TTN: variants seen among roughly 807,000 people sequenced by gnomAD.
TTN encodes connectin.
A neutral mutation model predicts 3,223.0 loss-of-function variants in TTN; 1,525 were observed. The observed-to-expected ratio is 0.47, with a 90% CI of 0.45 to 0.49. The LOEUF (loss-of-function observed/expected upper bound fraction) is 0.49, where lower values mean the gene tolerates loss of function less well. Among genes scored for constraint, TTN ranks in the 20% least tolerant of loss-of-function variants. The probability of loss-of-function intolerance (pLI) is 0.00; values close to 1 mark genes in which losing one functional copy is unlikely to be tolerated. For synonymous variants in TTN, 14,094 were observed against 15,161.0 expected (o/e 0.93, Z 5.17); for missense variants, 40,786 against 43,424.0 (o/e 0.94, Z 5.40).
At position 178,731,845 on chromosome 2, in the gene TTN, A is replaced by G. The variant is rs1269227302; in HGVS notation, c.17030T>C (p.Leu5677Pro). The G allele has an allele frequency of 3.1e-6, 5 of 1,613,818 alleles. No individual in the cohort carries two copies. The highest frequency in any genetic ancestry group is 2.2e-5 in the South Asian group (2 of 91,086). ...EITWFKDNTI[L>P]RSGRKYKTFI... is the part of the protein sequence containing the mutation. ...AGTCTTATACTTTCTACCACTTCGC[A>G]GGATTGTGTTATCTTTGAACCAAGT... The change falls in exon 58 of 363, where the codon CTG (leucine) becomes CCG (proline). Residue 5677 changes from leucine to proline, a missense_variant. By Grantham distance (98) the Leu-to-Pro change is moderately conservative (BLOSUM62 -3). Transcript: ENST00000589042.
chr2:178,572,395 CT>C lies in TTN; in HGVS notation c.73736del (p.Lys24579ArgfsTer2). 1 of 1,613,090 alleles carries C rather than the reference CT, an allele frequency of 6.2e-7. No individual in the cohort carries two copies. The highest frequency in any genetic ancestry group is 1.1e-5 in the South Asian group (1 of 91,062). On this transcript the variant is annotated frameshift_variant, in exon 326 of 363. Transcript: ENST00000589042. LOFTEE classifies it high-confidence loss of function. ...TACAGCCTTCTTGAAGCTGGTCTAC[CT>C]TCCAGGAAGTCTTGTGGCAGTTTGT... ...VATNCHKTSW[K>X]VDQLQEGCSY...
At position 178,714,162 on chromosome 2, in the gene TTN, A is replaced by G; in HGVS notation, c.26496T>C (p.Ile8832=). 2 of 1,610,436 alleles carry G rather than the reference A, an allele frequency of 1.2e-6. No individual in the cohort carries two copies. Among genetic ancestry groups the G allele is most frequent in the Non-Finnish European group, 1.7e-6 (2 of 1,178,318 alleles). Residue 8832 remains isoleucine, a synonymous_variant, in exon 92 of 363, where the codon ATT becomes ATC. Coordinates refer to ENST00000589042, the MANE Select transcript of TTN (RefSeq NM_001267550.2). ...CTTTTATGGATTCTGGCTTTTCTAC[A>G]ATTGTTGCAGGCTCTGGAATGAAAT... is the stretch of plus-strand genomic sequence containing the variant. ...ATLSVLEPAT[I]VEKPESIKVT... is the part of the protein sequence containing the mutation.
rs778118930 is a variant in TTN at position 178,768,820 on chromosome 2, C to T, written c.9016G>A (p.Val3006Met). The change falls in exon 38 of 363, where the codon GTG becomes ATG. Residue 3006 changes from valine (V) to methionine (M), a missense_variant. By Grantham distance (21) the Val-to-Met change is conservative. Coordinates refer to ENST00000589042, the MANE Select transcript of TTN (RefSeq NM_001267550.2). ...GISYKWLKNG[V>M]EIKSTDKCQM... ...CACTTGTCAGTTGATTTGATTTCCA[C>T]ACCATTCTTTAACCATTTGTAAGAG... 6.2e-6 allele frequency: 10 copies of T among 1,614,094 alleles called. No homozygotes were observed. The South Asian group carries it at 9.9e-5, about 16-fold the overall frequency.
intron 210 of TTN, 41 bp from the exon 211 acceptor site, chr2:178,649,935 A>G (rs746314639): frequency 8.2e-6 from 13 of 1,583,310 alleles, no homozygotes; most frequent in African/African-American, 1.4e-5. Flanking sequence ...GGTGATTACA[A>G]TGAAAAATTT....
rs1211102560 is a variant in TTN at position 178,533,759 on chromosome 2, C to T, written c.102856G>A (p.Glu34286Lys). ...RFGVTITVHP[E>K]PHVTWYKSGQ... ...GATTTATACCATGTTACATGAGGCT[C>T]TGGGTGGACAGTTATAGTTACTCCA... Residue 34286 changes from glutamate to lysine, a missense_variant, in exon 358 of 363, where the codon GAG becomes AAG. By Grantham distance (56) the Glu-to-Lys change is moderately conservative. Coordinates refer to ENST00000589042, the MANE Select transcript of TTN (RefSeq NM_001267550.2). The T allele has an allele frequency of 6.2e-7, 1 of 1,613,936 alleles. No homozygotes were observed. The highest frequency in any genetic ancestry group is 8.5e-7 in the Non-Finnish European group (1 of 1,179,858).
At position 178,769,007 on chromosome 2, in the gene TTN, T is replaced by A. The variant is rs1319035194; in HGVS notation, c.8903-74A>T. 14 of 1,565,354 alleles carry A rather than the reference T, an allele frequency of 8.9e-6. No homozygotes were observed. The East Asian group carries it at 3.2e-4, about 36-fold the overall frequency. On this transcript the variant is annotated intron_variant, in intron 37 of 362. Coordinates refer to ENST00000589042, the MANE Select transcript of TTN (RefSeq NM_001267550.2). ...GATGTGGGTTATAACAGGTGCAGAA[T>A]AAAAATTTGGAATGTTTTTAGTGCG...
In TTN at chr2:178,686,865, C is replaced by A. The variant is rs142265203; in HGVS notation, c.32311+1246G>T. Among the ~76,000 whole-genome samples, 275 of 152,318 alleles carry A rather than the reference C, an allele frequency of 1.8e-3. 5 individuals are homozygous for A. The South Asian group carries it at 0.024, about 13-fold the overall frequency. Reference sequence around the variant, plus strand: ...CTTTTAACTAGAGTCTGGAGTACTACAGGAAGTTTATAGTGTCAAAAGTTG... The same window carrying A: ...CTTTTAACTAGAGTCTGGAGTACTAAAGGAAGTTTATAGTGTCAAAAGTTG... On this transcript the variant is annotated intron_variant, in intron 127 of 362. Coordinates refer to ENST00000589042, the MANE Select transcript of TTN (RefSeq NM_001267550.2).
At position 178,592,930 on chromosome 2, in the gene TTN, G is replaced by T. The variant is rs1471424037; in HGVS notation, c.59189C>A (p.Ala19730Asp). Residue 19730 changes from alanine to aspartate, a missense_variant, in exon 300 of 363, where the codon GCC becomes GAC. By Grantham distance (126) the Ala-to-Asp change is moderately radical. Coordinates refer to ENST00000589042, the MANE Select transcript of TTN (RefSeq NM_001267550.2). ...AGGACATGACTCAGGGGTGTGATTGGCTCTTCTCCACTCTTCATCTCCAAC... is the reference window on the plus strand; with the variant it reads ...AGGACATGACTCAGGGGTGTGATTGTCTCTTCTCCACTCTTCATCTCCAAC... ...QKVGDEEWRR[A>D]NHTPESCPET... 6.2e-7 allele frequency: 1 copy of T among 1,613,380 alleles called. No individual in the cohort carries two copies. The highest frequency in any genetic ancestry group is 2.2e-5 in the East Asian group (1 of 44,810).
chr2:178,570,174 A>G lies in TTN; in HGVS notation c.75958T>C (p.Ser25320Pro), dbSNP rs772816442. Residue 25320 changes from serine to proline, a missense_variant, in exon 326 of 363, where the codon TCA becomes CCA. Coordinates refer to ENST00000589042, the MANE Select transcript of TTN (RefSeq NM_001267550.2). ...APEVTTVTKDSMIVVWERPAS... is the reference protein window; with the variant it reads ...APEVTTVTKDPMIVVWERPAS... ...GGTCTTTCCCATACAACAATCATTG[A>G]GTCCTTGGTCACTGTTGTGACTTCT... The G allele has an allele frequency of 6.2e-7, 1 of 1,613,526 alleles. No individual in the cohort carries two copies. The highest frequency in any genetic ancestry group is 8.5e-7 in the Non-Finnish European group (1 of 1,179,624).
In TTN at chr2:178,714,310, C is replaced by T. The variant is rs184883436; in HGVS notation, c.26464G>A (p.Ala8822Thr). Reference protein sequence around the residue: ...KNDAGMQECFATLSVLEPATI... With the variant: ...KNDAGMQECFTTLSVLEPATI... ...TACTAACCGAGAACGGATAGCGTGG[C>T]GAAGCACTCTTGCATCCCAGCATCG... Residue 8822 changes from alanine to threonine, a missense_variant, in exon 91 of 363, where the codon GCC (alanine) becomes ACC (threonine). Transcript: ENST00000589042. 93 of 1,612,742 alleles carry T rather than the reference C, an allele frequency of 5.8e-5. No homozygotes were observed. Among genetic ancestry groups the T allele is most frequent in the East Asian group, 2.7e-4 (12 of 44,840 alleles).
intron 250 of TTN, 138 bp downstream of exon 250, chr2:178,619,483 A>AAATT: frequency 9.1e-7 from 1 of 1,095,258 alleles, no homozygotes. Context: ...GTAGTGAGCA[A>AAATT]AATTAGAGTT....
In TTN at chr2:178,618,670, G is replaced by T. The variant is rs115813214; in HGVS notation, c.46880C>A (p.Ala15627Asp). 1 of 1,612,028 alleles carries T rather than the reference G, an allele frequency of 6.2e-7. No homozygotes were observed. ...ATACCTCCCTTTGTCTCCTTTCTTG[G>T]CTTCTAAAATTCTGAAAGAAGTTTG... ...AEQTSFRILE[A>D]KKGDKGRYKI... Residue 15627 changes from alanine to aspartate, a missense_variant, in exon 251 of 363, where the codon GCC becomes GAC. Ala to Asp is a moderately radical substitution (Grantham distance 126). Transcript: ENST00000589042.
In TTN at chr2:178,576,406, T is replaced by C. The variant is rs760871507; in HGVS notation, c.69726A>G (p.Gly23242=). 1.3e-5 allele frequency: 20 copies of C among 1,573,206 alleles called. 2 individuals are homozygous for C. The South Asian group carries it at 2.4e-4, about 19-fold the overall frequency. ...VLMKDAAYPP[G]PPSNPHVTDT... Reference sequence around the variant, plus strand: ...CAGTGACATGCGGATTTGAAGGTGGTCCTGGAGGATCTGAGAAAGAAACAA... The same window carrying C: ...CAGTGACATGCGGATTTGAAGGTGGCCCTGGAGGATCTGAGAAAGAAACAA... Residue 23242 remains glycine, a synonymous_variant, in exon 326 of 363, where the codon GGA becomes GGG. Coordinates refer to ENST00000589042, the MANE Select transcript of TTN (RefSeq NM_001267550.2). The surrounding 1 kb of genome is among the most constrained non-coding windows in gnomAD (Gnocchi z 4.3).
rs1692876127 is a variant in TTN, at chr2:178,538,661, C to G, written c.99168G>C (p.Lys33056Asn). ...CCAGCAAACCTCCTATTGTGAATTG[C>G]TTGTCCTTAATACGTTCCTTATTGC... ...KKSNKERIKDKQFTIGGLLEA... is the reference protein window; with the variant it reads ...KKSNKERIKDNQFTIGGLLEA... Residue 33056 changes from lysine to asparagine, a missense_variant, in exon 354 of 363, where the codon AAG becomes AAC. Lys to Asn is a moderately conservative substitution (Grantham distance 94). Coordinates refer to ENST00000589042, the MANE Select transcript of TTN (RefSeq NM_001267550.2). 1 of 1,613,646 alleles carries G rather than the reference C, an allele frequency of 6.2e-7. No homozygotes were observed. Among genetic ancestry groups the G allele is most frequent in the South Asian group, 1.1e-5 (1 of 91,080 alleles).
Position 178,619,823 on chromosome 2 carries a change from GACA to G in TTN, c.46491_46493del (p.Val15498del). On this transcript the variant is annotated inframe_deletion, in exon 250 of 363. Coordinates refer to ENST00000589042, the MANE Select transcript of TTN (RefSeq NM_001267550.2). ...TATCTTTATTGAGTTCTGCTAAAAAGACAACATCAGCACCAGGGGCTTCAAGAA... is the reference window on the plus strand; with the variant it reads ...TATCTTTATTGAGTTCTGCTAAAAAGACATCAGCACCAGGGGCTTCAAGAA... 6.2e-7 allele frequency: 1 copy of G among 1,612,212 alleles called. No individual in the cohort carries two copies. Among genetic ancestry groups the G allele is most frequent in the African/African-American group, 1.3e-5 (1 of 74,876 alleles).
chr2:178,689,173 G>A lies in TTN; in HGVS notation c.32012-37C>T, dbSNP rs757763435. On this transcript the variant is annotated intron_variant, in intron 124 of 362. Transcript: ENST00000589042. ...TTATGCACTTTTAGAAATTTAATGTGATCTCATTGAAGCCCAGTGCAAAAC... is the reference window on the plus strand; with the variant it reads ...TTATGCACTTTTAGAAATTTAATGTAATCTCATTGAAGCCCAGTGCAAAAC... 6.9e-6 allele frequency: 11 copies of A among 1,591,780 alleles called. 1 individual carries two copies. The East Asian group carries it at 2.2e-4, about 32-fold the overall frequency.
chr2:178,701,994 G>T (rs1490094405), intron 109 of TTN, 46 bp downstream of exon 109: 6 of 1,587,204 alleles, frequency 3.8e-6, no homozygotes, highest in Non-Finnish European at 5.2e-6. Context: ...ACAAAATTAT[G>T]CCAAATTTAT....
chr2:178,557,221 T>C (rs748043624), intron 329 of TTN, 32 bp downstream of exon 329: 6 of 1,613,226 alleles, frequency 3.7e-6, no homozygotes, highest in South Asian at 2.2e-5. Context: ...ATTTTTGTTA[T>C]CAGAACTGCC....
intron 120 of TTN, 57 bp from the exon 121 acceptor site, chr2:178,692,156 T>C (rs930665360): frequency 2.4e-5 from 36 of 1,470,436 alleles, no homozygotes; most frequent in Non-Finnish European, 3.1e-5. Flanking sequence ...TTCTGAGACA[T>C]CTAAGATTAC....
Sources: gnomAD v4.1 joint callset for allele counts (sites outside exome capture counted in the v4.1 genomes callset) on GRCh38, gnomAD v4.1.1 for gene constraint, Gnocchi (gnomAD v3.1) non-coding constraint, MANE v1.5 for transcripts, NCBI Gene and HGNC (gene_info 2026-07-23, HGNC 2026-07-21) for gene names.